The following SEZ6L variants were observed in gnomAD, a reference collection of about 807,000 sequenced individuals.
SEZ6L encodes the protein seizure related 6 homolog like.
A neutral mutation model predicts 106.2 loss-of-function variants in SEZ6L; 37 were observed. That is an observed-to-expected ratio of 0.35 (90% CI 0.27 to 0.46). The LOEUF is 0.46. Among genes scored for constraint, SEZ6L ranks in the 20% least tolerant of loss-of-function variants. The pLI, the probability that SEZ6L is intolerant of heterozygous loss-of-function variation, is 1.00. For missense variants in SEZ6L, 1,172 were observed against 1,332.8 expected, an observed-to-expected ratio of 0.88 and a Z score of 1.88; for synonymous variants, 541 against 570.4, an observed-to-expected ratio of 0.95 and a Z score of 0.73.
chr22:26,224,194 A>G (rs1602079572), intron 1 of SEZ6L, among the ~76,000 whole-genome samples: 1 of 152,334 alleles, frequency 6.6e-6, no homozygotes, highest in African/African-American at 2.4e-5. Context: ...GGAGGCAGAA[A>G]CCAAGTTAGA....
At chr22:26,221,082 A>G (rs1333644090) in intron 1 of SEZ6L, among the ~76,000 whole-genome samples, 1 of 152,096 alleles carries the variant, frequency 6.6e-6, no homozygotes. Flanking sequence ...AGAGGGAGAA[A>G]TAGGCAAATT....
chr22:26,173,009 A>G (rs1938729595), intron 1 of SEZ6L, among the ~76,000 whole-genome samples: 1 of 152,214 alleles, frequency 6.6e-6, no homozygotes, highest in Non-Finnish European at 1.5e-5. Flanking sequence ...CTCCATAATT[A>G]GAGTGACCTG....
Position 26,381,849 on chromosome 22 carries a change from C to G in SEZ6L, c.*1554C>G. The G allele has an allele frequency of 2.9e-6, 1 of 350,572 alleles. No homozygotes were observed. Among genetic ancestry groups the G allele is most frequent in the Non-Finnish European group, 5.7e-6 (1 of 176,548 alleles). The allele number at this position is 350,572 out of a possible 1,614,324, so 21.7% of individuals were successfully genotyped here. On this transcript the variant is annotated 3_prime_UTR_variant, in exon 17 of 17. Coordinates refer to ENST00000248933, the MANE Select transcript of SEZ6L (RefSeq NM_021115.5). Reference sequence around the variant, plus strand: ...CGGGCACAGTGGCATTTGGAACCCTCTTTGGTGCCCTCCCATTCTCTCTGG... The same window carrying G: ...CGGGCACAGTGGCATTTGGAACCCTGTTTGGTGCCCTCCCATTCTCTCTGG...
chr22:26,237,132 C>G (rs2078979696), intron 1 of SEZ6L, among the ~76,000 whole-genome samples: 1 of 152,166 alleles, frequency 6.6e-6, no homozygotes, highest in Non-Finnish European at 1.5e-5. Flanking sequence ...CCCACTTCCC[C>G]TCCCTGAGCC....
At chr22:26,226,550 C>A (rs2078639024) in intron 1 of SEZ6L, among the ~76,000 whole-genome samples, 1 of 152,160 alleles carries the variant, frequency 6.6e-6, no homozygotes, top group Non-Finnish European at 1.5e-5. Context: ...GTAAATACAC[C>A]TTTGTGGGTT....
At chr22:26,263,017 C>G (rs1187661677) in intron 1 of SEZ6L, among the ~76,000 whole-genome samples, 2 of 152,188 alleles carry the variant, frequency 1.3e-5, no homozygotes, top group African/African-American at 4.8e-5. Context: ...GAATTAATGT[C>G]ATTTCCACAA....
At chr22:26,242,940 T>G (rs4438594) in intron 1 of SEZ6L, 32,521 of 152,024 alleles carry the variant, frequency 0.21, 4,152 homozygotes, top group East Asian at 0.42. Flanking sequence ...AGGCCAAGAG[T>G]CTGAAACCAA....
intron 4 of SEZ6L, among the ~76,000 whole-genome samples, chr22:26,297,449 T>C (rs796391755): frequency 5.9e-5 from 9 of 152,342 alleles, no homozygotes; most frequent in African/African-American, 1.2e-4. Flanking sequence ...GTGGTTTCTC[T>C]TGGTGTCAAA....
intron 1 of SEZ6L, among the ~76,000 whole-genome samples, chr22:26,190,728 G>C (rs533536420): frequency 2.1e-3 from 325 of 152,246 alleles, no homozygotes; most frequent in African/African-American, 7.4e-3. Context: ...GAGAGAGGTG[G>C]GGACTTGCCA....
At chr22:26,376,049 A>G (rs2084213304) in intron 15 of SEZ6L, among the ~76,000 whole-genome samples, 2 of 152,166 alleles carry the variant, frequency 1.3e-5, no homozygotes, top group South Asian at 4.1e-4. Context: ...TATATCAGAC[A>G]TTGTCCCAGG....
intron 16 of SEZ6L, 92 bp from the exon 17 acceptor site, chr22:26,380,174 T>G (rs1343319935): frequency 8.1e-7 from 1 of 1,230,160 alleles, no homozygotes. Context: ...ACCAAGGGCA[T>G]GGACATACAG....
intron 1 of SEZ6L, among the ~76,000 whole-genome samples, chr22:26,266,300 C>G (rs547881387): frequency 7.9e-5 from 12 of 152,034 alleles, no homozygotes; most frequent in African/African-American, 2.9e-4. Flanking sequence ...GTGGCTTACG[C>G]CTGTAATCCC....
In SEZ6L at chr22:26,292,806, C is replaced by T. The variant is rs552398981; in HGVS notation, c.495C>T (p.Gly165=). 3 of 1,613,918 alleles carry T rather than the reference C, an allele frequency of 1.9e-6. No individual in the cohort carries two copies. The highest frequency in any genetic ancestry group is 2.5e-6 in the Non-Finnish European group (3 of 1,179,874). Residue 165 remains glycine (G), a synonymous_variant, in exon 2 of 17, where the codon GGC becomes GGT. Transcript: ENST00000248933. ...DLLSSSTEKP[G]PPGDPDPIVA... is the part of the protein sequence containing the mutation. ...TCTCCTCCTCCACGGAGAAGCCTGG[C>T]CCACCGGGGGACCCGGACCCCATCG...
At chr22:26,293,665 A>G (rs527471025) in intron 2 of SEZ6L, among the ~76,000 whole-genome samples, 4 of 152,206 alleles carry the variant, frequency 2.6e-5, no homozygotes, top group Non-Finnish European at 5.9e-5. Context: ...TGAAACCCTG[A>G]GACCCCCAAG....
intron 1 of SEZ6L, 85 bp from the exon 2 acceptor site, chr22:26,292,321 T>C: frequency 2.6e-6 from 3 of 1,138,134 alleles, no homozygotes; most frequent in African/African-American, 1.6e-5. Context: ...GGCACCGCCC[T>C]TAGGAGGGCC....
chr22:26,270,148 A>C (rs1257477961), intron 1 of SEZ6L, among the ~76,000 whole-genome samples: 4 of 152,294 alleles, frequency 2.6e-5, no homozygotes, highest in African/African-American at 7.2e-5. Flanking sequence ...TGGACCCCCC[A>C]AAAATAGAAC....
intron 1 of SEZ6L, among the ~76,000 whole-genome samples, chr22:26,264,335 T>A (rs117586069): frequency 6.6e-5 from 10 of 152,344 alleles, no homozygotes; most frequent in Non-Finnish European, 1.2e-4. Context: ...TGCCCCGATC[T>A]TGTCACTTTG....
At chr22:26,267,546 AG>A (rs1057214368) in intron 1 of SEZ6L, among the ~76,000 whole-genome samples, 3 of 152,192 alleles carry the variant, frequency 2.0e-5, no homozygotes, top group African/African-American at 7.2e-5. Flanking sequence ...AAGAGGGAGT[AG>A]GGGGGAAATT....
intron 9 of SEZ6L, among the ~76,000 whole-genome samples, chr22:26,339,953 G>A (rs1456596020): frequency 1.3e-5 from 2 of 152,132 alleles, no homozygotes; most frequent in Admixed American, 6.6e-5. Flanking sequence ...CCCAACTGAC[G>A]GCCGGGCACA....
Sources: allele counts gnomAD v4.1 joint callset (sites outside exome capture counted in the v4.1 genomes callset), GRCh38; gene constraint gnomAD v4.1.1; transcripts MANE v1.5; gene names NCBI Gene and HGNC (gene_info 2026-07-23, HGNC 2026-07-21).